The following CACNA1D variants were observed in gnomAD, a reference collection of about 807,000 sequenced individuals.
CACNA1D encodes the protein calcium voltage-gated channel subunit alpha1 D, also known as voltage-dependent L-type calcium channel subunit alpha-1D.
CACNA1D carries 55 observed loss-of-function variants against 257.1 expected under a neutral mutation model. The ratio of observed to expected loss-of-function variants is 0.21; its 90% CI spans 0.17 to 0.27. The LOEUF is 0.27. Ranked by LOEUF, CACNA1D falls within the 10% of genes least tolerant of loss-of-function variation. The pLI is 1.00. For synonymous variants in CACNA1D, 980 were observed against 1,014.9 expected, an observed-to-expected ratio of 0.97 and a Z score of 0.65; for missense variants, 1,876 against 2,784.0, an observed-to-expected ratio of 0.67 and a Z score of 7.34.
rs56382996 is a variant in CACNA1D, at chr3:53,803,592, G to A, written c.5585+20G>A. 5 of 1,612,522 alleles carry A rather than the reference G, an allele frequency of 3.1e-6. No homozygotes were observed. In the East Asian group the frequency reaches 8.9e-5, roughly 29 times the overall value. ...GAGCAGGTGAGCTGCTCTGGCTCCT[G>A]TGGAGAGCGGGAGGCCGCCCTGCCC... On this transcript the variant is annotated intron_variant, in intron 44 of 47. Transcript: ENST00000350061.
intron 40 of CACNA1D, among the ~76,000 whole-genome samples, chr3:53,797,109 A>AT (rs1366595434): frequency 1.3e-5 from 2 of 152,156 alleles, no homozygotes; most frequent in Non-Finnish European, 2.9e-5. Context: ...TGGAAAAGTA[A>AT]TTTTTTCAAG....
intron 8 of CACNA1D, among the ~76,000 whole-genome samples, chr3:53,701,454 G>A (rs1222744967): frequency 1.3e-5 from 2 of 152,206 alleles, no homozygotes; most frequent in Admixed American, 6.5e-5. Context: ...ATGAAAGCAG[G>A]TCACTTCCCC....
intron 3 of CACNA1D, among the ~76,000 whole-genome samples, chr3:53,574,589 G>A (rs1010015939): frequency 2.0e-5 from 3 of 152,212 alleles, no homozygotes; most frequent in South Asian, 2.1e-4. Context: ...TAAATTCTAC[G>A]AGAAGTCCAT....
intron 39 of CACNA1D, chr3:53,782,238 C>CAG (rs2095428946): frequency 9.8e-6 from 1 of 102,076 alleles, no homozygotes; most frequent in Non-Finnish European, 1.8e-5. Flanking sequence ...TACACACATA[C>CAG]AGTGTGTGTG....
intron 3 of CACNA1D, among the ~76,000 whole-genome samples, chr3:53,605,067 C>A (rs1014853034): frequency 1.3e-5 from 2 of 152,122 alleles, no homozygotes; most frequent in Non-Finnish European, 2.9e-5. Flanking sequence ...AAAAAGGTAA[C>A]CTGAATCTAC....
At chr3:53,564,193 C>T (rs2092792548) in intron 3 of CACNA1D, among the ~76,000 whole-genome samples, 1 of 151,892 alleles carries the variant, frequency 6.6e-6, no homozygotes, top group East Asian at 1.9e-4. Flanking sequence ...GACAGTCTTG[C>T]TCTGTTGCCG....
At chr3:53,740,029 T>C (rs1200706231) in intron 20 of CACNA1D, among the ~76,000 whole-genome samples, 1 of 152,220 alleles carries the variant, frequency 6.6e-6, no homozygotes, top group Non-Finnish European at 1.5e-5. Flanking sequence ...CCTCTCTGCC[T>C]GTCCAAGACA....
intron 8 of CACNA1D, among the ~76,000 whole-genome samples, chr3:53,702,146 C>T (rs988074969): frequency 6.6e-6 from 1 of 152,156 alleles, no homozygotes; most frequent in African/African-American, 2.4e-5. Flanking sequence ...CTGCTCAGAG[C>T]TCTTGGTTTG....
chr3:53,634,925 T>G (rs2093864372), intron 3 of CACNA1D, among the ~76,000 whole-genome samples: 1 of 152,186 alleles, frequency 6.6e-6, no homozygotes, highest in South Asian at 2.1e-4. Context: ...TGGGCTTCCT[T>G]AAAAGATTTT....
chr3:53,784,799 G>A (rs922694087), intron 39 of CACNA1D, among the ~76,000 whole-genome samples: 6 of 152,180 alleles, frequency 3.9e-5, no homozygotes, highest in African/African-American at 9.7e-5. Flanking sequence ...CCTGGGAAAG[G>A]GATACACTTG....
intron 45 of CACNA1D, 50 bp from the exon 46 acceptor site, chr3:53,808,599 C>T: frequency 1.2e-6 from 2 of 1,601,042 alleles, no homozygotes; most frequent in South Asian, 1.1e-5. Flanking sequence ...AAGACGGTGT[C>T]CCGGCAGAGA....
intron 3 of CACNA1D, among the ~76,000 whole-genome samples, chr3:53,570,379 A>G (rs2092922476): frequency 6.6e-6 from 1 of 152,218 alleles, no homozygotes; most frequent in Non-Finnish European, 1.5e-5. Context: ...CACTCCATGA[A>G]TACTTGGTTA....
chr3:53,733,703 G>C (rs568551452), intron 19 of CACNA1D, among the ~76,000 whole-genome samples: 1 of 152,154 alleles, frequency 6.6e-6, no homozygotes, highest in African/African-American at 2.4e-5. Flanking sequence ...CTCCTGGAAA[G>C]GTTTCTAGAA....
intron 3 of CACNA1D, among the ~76,000 whole-genome samples, chr3:53,568,173 C>T (rs1424753018): frequency 2.0e-5 from 3 of 152,110 alleles, no homozygotes; most frequent in Non-Finnish European, 4.4e-5. Context: ...AGACCTCAGA[C>T]TTGCTTAGCT....
intron 45 of CACNA1D, among the ~76,000 whole-genome samples, chr3:53,805,732 C>G (rs2095559297): frequency 6.9e-6 from 1 of 145,622 alleles, no homozygotes; most frequent in Middle Eastern, 4.2e-3. Context: ...CTCCATCTTC[C>G]CTCCTCCTCC....
chr3:53,751,366 G>T lies in CACNA1D; in HGVS notation c.3517-383G>T, dbSNP rs551570567. On this transcript the variant is annotated intron_variant, in intron 27 of 47. Coordinates refer to ENST00000350061, the MANE Select transcript of CACNA1D (RefSeq NM_001128840.3). This position sits in a 1 kb window ranked among gnomAD's most constrained non-coding sequence, Gnocchi z 4.3. ...GGTGTGATCCACCTATAGATCCCCCGTATGTGTGATAAAGAGGAAAGGCAG... is the reference window on the plus strand; with the variant it reads ...GGTGTGATCCACCTATAGATCCCCCTTATGTGTGATAAAGAGGAAAGGCAG... Among the ~76,000 whole-genome samples the T allele has an allele frequency of 6.6e-6, 1 of 152,294 alleles. No individual in the cohort carries two copies. The highest frequency in any genetic ancestry group is 1.5e-5 in the Non-Finnish European group (1 of 68,016).
At chr3:53,682,455 G>C (rs1293619738) in intron 8 of CACNA1D, among the ~76,000 whole-genome samples, 2 of 149,748 alleles carry the variant, frequency 1.3e-5, no homozygotes, top group African/African-American at 4.9e-5. Context: ...TACTCAGGAG[G>C]CTGAGACAGG....
chr3:53,768,268 T>C (rs3821865), intron 30 of CACNA1D, among the ~76,000 whole-genome samples: 99,102 of 151,992 alleles, frequency 0.65, 32,759 homozygotes, highest in Middle Eastern at 0.71. Flanking sequence ...ATACATAAGT[T>C]GTGCACATTT....
intron 3 of CACNA1D, among the ~76,000 whole-genome samples, chr3:53,619,917 A>G (rs1056806325): frequency 6.6e-6 from 1 of 152,200 alleles, no homozygotes; most frequent in Non-Finnish European, 1.5e-5. Context: ...TGTGCTAAGC[A>G]TTGGTAATAT....
Sources: gnomAD v4.1 joint callset for allele counts (sites outside exome capture counted in the v4.1 genomes callset) on GRCh38, gnomAD v4.1.1 for gene constraint, Gnocchi (gnomAD v3.1) non-coding constraint, MANE v1.5 for transcripts, NCBI Gene and HGNC (gene_info 2026-07-23, HGNC 2026-07-21) for gene names.